CYP2R1: variants seen among roughly 807,000 people sequenced by gnomAD.
CYP2R1 encodes vitamin D 25-hydroxylase.
CYP2R1 carries 40 observed loss-of-function variants against 45.7 expected under a neutral mutation model. The observed-to-expected ratio is 0.87, with a 90% CI of 0.68 to 1.14. The LOEUF is 1.14. Among genes scored for constraint, CYP2R1 ranks in the 50% most tolerant of loss-of-function variants. The pLI is 0.00. For synonymous variants in CYP2R1, 234 were observed against 219.3 expected (o/e 1.07, Z -0.59); for missense variants, 605 against 602.6 (o/e 1.00, Z -0.04).
upstream of CYP2R1, chr11:14,892,324 G>A: frequency 1.0e-6 from 1 of 964,938 alleles, no homozygotes; most frequent in Non-Finnish European, 1.6e-6. Flanking sequence ...CGTGGCCATT[G>A]GCTGACTGAG....
intron 1 of CYP2R1, chr11:14,887,702 T>C (rs1359334956): frequency 1.1e-5 from 10 of 931,558 alleles, no homozygotes; most frequent in Non-Finnish European, 1.3e-5. Context: ...TTTTTCACTC[T>C]CCCAGTTAAT....
intron 1 of CYP2R1, 27 bp downstream of exon 1, chr11:14,891,954 C>T: frequency 6.2e-7 from 1 of 1,608,742 alleles, no homozygotes; most frequent in South Asian, 1.1e-5. Context: ...GGCGGCCCTC[C>T]CTGCCCGGGG....
intron 2 of CYP2R1, among the ~76,000 whole-genome samples, chr11:14,884,423 A>C (rs1490639134): frequency 6.6e-6 from 1 of 151,514 alleles, no homozygotes; most frequent in African/African-American, 2.4e-5. Context: ...TCAGTAAACT[A>C]TCGCAAGAAC....
intron 1 of CYP2R1, chr11:14,891,242 G>C (rs1555016767): frequency 1.0e-6 from 1 of 984,810 alleles, no homozygotes; most frequent in East Asian, 1.1e-4. Flanking sequence ...GCGAAGTACC[G>C]ACCTCACCGG....
At position 14,880,518 on chromosome 11, in the gene CYP2R1, A is replaced by G. The variant is rs1848337118; in HGVS notation, c.618T>C (p.Asp206=). ...FGERFTYEDT[D]FQHMIELFSE... ...TAAATAACTCAATCATGTGCTGAAA[A>G]TCGGTGTCTTCATAAGTGAATCGTT... The change falls in exon 3 of 5, where the codon GAT becomes GAC. Residue 206 remains aspartate (D), a synonymous_variant. Coordinates refer to ENST00000334636, the MANE Select transcript of CYP2R1 (RefSeq NM_024514.5). 1 of 1,613,422 alleles carries G rather than the reference A, an allele frequency of 6.2e-7. No individual in the cohort carries two copies. Among genetic ancestry groups the G allele is most frequent in the Admixed American group, 1.7e-5 (1 of 59,848 alleles).
rs782578820 is a variant in CYP2R1, at chr11:14,880,698, A to G, written c.438T>C (p.Tyr146=). The change falls in exon 3 of 5, where the codon TAT becomes TAC. Residue 146 remains tyrosine (Y), a synonymous_variant. Transcript: ENST00000334636. ...CAAAAGACTTTTGGCCATATCCAAAATATCGAAAACTGTTTACAGCTAATC... is the reference window on the plus strand; with the variant it reads ...CAAAAGACTTTTGGCCATATCCAAAGTATCGAAAACTGTTTACAGCTAATC... ...HRRLAVNSFR[Y]FGYGQKSFES... 20 of 1,597,104 alleles carry G rather than the reference A, an allele frequency of 1.3e-5. No homozygotes were observed. In the South Asian group the frequency reaches 2.1e-4, roughly 16 times the overall value.
At chr11:14,891,668 G>C in intron 1 of CYP2R1, 1 of 1,169,072 alleles carries the variant, frequency 8.6e-7, no homozygotes, top group Non-Finnish European at 1.1e-6. Context: ...GTGGCGGCGC[G>C]GCTGGCGAGC....
rs1451931971 is a variant in CYP2R1 at position 14,892,181 on chromosome 11, C to T, written c.25G>A (p.Glu9Lys). 9.9e-6 allele frequency: 16 copies of T among 1,610,528 alleles called. No individual in the cohort carries two copies. The highest frequency in any genetic ancestry group is 1.3e-5 in the Non-Finnish European group (15 of 1,179,830). The change falls in exon 1 of 5, where the codon GAG (glutamate) becomes AAG (lysine). Residue 9 changes from glutamate to lysine, a missense_variant. Coordinates refer to ENST00000334636, the MANE Select transcript of CYP2R1 (RefSeq NM_024514.5). Reference protein sequence around the residue: MWKLWRAEEGAAALGGALF... With the variant: MWKLWRAEKGAAALGGALF... ...GCGCCGCCGAGCGCCGCCGCGCCCTCTTCAGCTCTCCAAAGCTTCCACATC... is the reference window on the plus strand; with the variant it reads ...GCGCCGCCGAGCGCCGCCGCGCCCTTTTCAGCTCTCCAAAGCTTCCACATC...
At chr11:14,887,908 T>C (rs1421412895) in intron 1 of CYP2R1, among the ~76,000 whole-genome samples, 2 of 152,200 alleles carry the variant, frequency 1.3e-5, no homozygotes, top group Non-Finnish European at 2.9e-5. Flanking sequence ...TTCTCCCTTA[T>C]AACAACAACC....
rs1555011964 is a variant in CYP2R1, at chr11:14,880,723, C to T, written c.413G>A (p.Arg138Gln). Residue 138 changes from arginine (R) to glutamine (Q), a missense_variant, in exon 3 of 5, where the codon CGA (arginine) becomes CAA (glutamine). Physicochemically the swap from Arg to Gln is conservative, Grantham distance 43. Coordinates refer to ENST00000334636, the MANE Select transcript of CYP2R1 (RefSeq NM_024514.5). ...ATATCGAAAACTGTTTACAGCTAAT[C>T]GTCTGTGATCAACCCATCCTCGGCC... ...RYGRGWVDHRRLAVNSFRYFG... is the reference protein window; with the variant it reads ...RYGRGWVDHRQLAVNSFRYFG... The T allele has an allele frequency of 3.1e-6, 5 of 1,602,046 alleles. No homozygotes were observed. The highest frequency in any genetic ancestry group is 3.4e-6 in the Non-Finnish European group (4 of 1,176,776).
chr11:14,889,245 C>T (rs1224231881), intron 1 of CYP2R1, among the ~76,000 whole-genome samples: 2 of 149,810 alleles, frequency 1.3e-5, no homozygotes, highest in Non-Finnish European at 3.0e-5. Flanking sequence ...GTCCTAGGTA[C>T]AACTTTCCAG....
intron 2 of CYP2R1, among the ~76,000 whole-genome samples, chr11:14,884,787 A>G (rs1173945233): frequency 2.6e-5 from 4 of 152,164 alleles, no homozygotes; most frequent in Non-Finnish European, 5.9e-5. Context: ...AAAACAGTCT[A>G]AACAATAAAT....
intron 1 of CYP2R1, among the ~76,000 whole-genome samples, chr11:14,889,443 G>T (rs1203885342): frequency 6.6e-6 from 1 of 152,192 alleles, no homozygotes; most frequent in East Asian, 1.9e-4. Context: ...GAGTTAATAT[G>T]TTTGGTGGTT....
At position 14,892,229 on chromosome 11, in the gene CYP2R1, T is replaced by C. The variant is rs1445734847; in HGVS notation, c.-24A>G. ...ATCGGCCCGAGCTGGAGGTGCGAAC[T>C]CCACAGCAGCCCTGAGACCCAGGCA... On this transcript the variant is annotated 5_prime_UTR_variant, in exon 1 of 5. Coordinates refer to ENST00000334636, the MANE Select transcript of CYP2R1 (RefSeq NM_024514.5). 2 of 1,601,984 alleles carry C rather than the reference T, an allele frequency of 1.2e-6. No homozygotes were observed. Among genetic ancestry groups the C allele is most frequent in the Non-Finnish European group, 1.7e-6 (2 of 1,176,362 alleles).
At chr11:14,890,369 G>T in intron 1 of CYP2R1, 2 of 513,414 alleles carry the variant, frequency 3.9e-6, no homozygotes, top group Admixed American at 6.4e-5. Flanking sequence ...TGAAAATCAT[G>T]GGAATAAACT....
In CYP2R1 at chr11:14,891,586, G is replaced by A. The variant is rs1390086994; in HGVS notation, c.225+395C>T. 2.9e-6 allele frequency: 3 copies of A among 1,041,898 alleles called. No individual in the cohort carries two copies. In the East Asian group the frequency reaches 2.9e-4, roughly 100 times the overall value. 64.5% of individuals were successfully genotyped at this position (1,041,898 alleles called of 1,614,324 possible). A position where few individuals can be genotyped will look rare whatever the true frequency, so the allele number is the denominator to read the frequency against. ...TTGATTTTCCGACAAGCCGCGTGCAGCTTCCACAGAGCTGCGAGGCCGACT... is the reference window on the plus strand; with the variant it reads ...TTGATTTTCCGACAAGCCGCGTGCAACTTCCACAGAGCTGCGAGGCCGACT... On this transcript the variant is annotated intron_variant, in intron 1 of 4. Coordinates refer to ENST00000334636, the MANE Select transcript of CYP2R1 (RefSeq NM_024514.5).
At chr11:14,890,302 T>C in intron 1 of CYP2R1, 1 of 220,990 alleles carries the variant, frequency 4.5e-6, no homozygotes, top group Non-Finnish European at 7.6e-6. Flanking sequence ...ACATTTTATT[T>C]CTCTAGAATA....
At chr11:14,888,641 A>G (rs1311727756) in intron 1 of CYP2R1, among the ~76,000 whole-genome samples, 2 of 152,068 alleles carry the variant, frequency 1.3e-5, no homozygotes, top group African/African-American at 4.8e-5. Context: ...GCACTTATTT[A>G]ACACTATCTT....
intron 1 of CYP2R1, chr11:14,891,745 G>T: frequency 7.4e-7 from 1 of 1,353,112 alleles, no homozygotes; most frequent in East Asian, 3.0e-5. Context: ...GATCGCCTCG[G>T]AGCCTCGGCC....
Sources: allele counts gnomAD v4.1 joint callset (sites outside exome capture counted in the v4.1 genomes callset), GRCh38; gene constraint gnomAD v4.1.1; transcripts MANE v1.5; gene names NCBI Gene and HGNC (gene_info 2026-07-23, HGNC 2026-07-21).